Variants in RBFOX1 observed in about 807,000 individuals in gnomAD.
The protein encoded by RBFOX1 is RNA binding fox-1 homolog 1.
In RBFOX1, 8 loss-of-function variants were observed where a neutral mutation model predicts 57.7. That is an observed-to-expected ratio of 0.14 (90% CI 0.08 to 0.25). RBFOX1 has a LOEUF of 0.25. Ranked by LOEUF, RBFOX1 falls within the 10% of genes least tolerant of loss-of-function variation. The pLI, the probability that RBFOX1 is intolerant of heterozygous loss-of-function variation, is 1.00. For synonymous variants in RBFOX1, 326 were observed against 222.4 expected (o/e 1.47, Z -4.15); for missense variants, 611 against 548.5 (o/e 1.11, Z -1.14).
intron 2 of RBFOX1, among the ~76,000 whole-genome samples, chr16:5,538,688 T>C (rs4602043): frequency 0.78 from 117,818 of 150,426 alleles, 46,543 homozygotes; most frequent in East Asian, 0.99. Flanking sequence ...TGCAGTGGTG[T>C]GATCTCCGCT....
At chr16:7,026,925 C>T (rs959295006) in intron 3 of RBFOX1, among the ~76,000 whole-genome samples, 7 of 152,292 alleles carry the variant, frequency 4.6e-5, no homozygotes, top group Admixed American at 2.6e-4. Context: ...CCGGAGCTGG[C>T]GGCCTCCCAG....
At chr16:5,482,775 T>C (rs899746816) in intron 2 of RBFOX1, among the ~76,000 whole-genome samples, 1 of 152,198 alleles carries the variant, frequency 6.6e-6, no homozygotes, top group African/African-American at 2.4e-5. Flanking sequence ...ACCATCTTGG[T>C]ATTGCCTCTG....
intron 12 of RBFOX1, among the ~76,000 whole-genome samples, chr16:7,660,177 G>T (rs565439869): frequency 1.3e-5 from 2 of 151,988 alleles, no homozygotes; most frequent in South Asian, 2.1e-4. Context: ...TTTCTGTAGT[G>T]CAGTCACTCC....
chr16:7,334,974 T>A (rs1339321545), intron 4 of RBFOX1, among the ~76,000 whole-genome samples: 1 of 152,214 alleles, frequency 6.6e-6, no homozygotes, highest in Non-Finnish European at 1.5e-5. Context: ...ATATGTGTTA[T>A]CTCCTTTCTT....
chr16:6,735,878 C>T (rs1422203519), intron 3 of RBFOX1, among the ~76,000 whole-genome samples: 5 of 151,798 alleles, frequency 3.3e-5, no homozygotes, highest in Admixed American at 1.3e-4. Context: ...TCTGAGACCT[C>T]TGGAAATAAG....
At chr16:5,806,477 T>C (rs1201608169) in intron 3 of RBFOX1, among the ~76,000 whole-genome samples, 8 of 152,190 alleles carry the variant, frequency 5.3e-5, no homozygotes, top group African/African-American at 1.7e-4. Flanking sequence ...ATCAATCTAT[T>C]CATGAGGGCT....
intron 1 of RBFOX1, among the ~76,000 whole-genome samples, chr16:6,186,783 G>C (rs2097108136): frequency 6.6e-6 from 1 of 152,208 alleles, no homozygotes; most frequent in African/African-American, 2.4e-5. Flanking sequence ...CCAATGGGGA[G>C]TGAAAAGGAG....
At chr16:5,815,806 G>A (rs536454628) in intron 3 of RBFOX1, among the ~76,000 whole-genome samples, 56 of 152,302 alleles carry the variant, frequency 3.7e-4, no homozygotes, top group African/African-American at 1.3e-3. Flanking sequence ...GGAGCCCAGA[G>A]AAATTGATGC....
chr16:7,413,098 T>G (rs1042913776), intron 4 of RBFOX1, among the ~76,000 whole-genome samples: 3 of 151,944 alleles, frequency 2.0e-5, no homozygotes, highest in African/African-American at 7.2e-5. Flanking sequence ...AAAAATAAAT[T>G]ATGGAATTAT....
intron 4 of RBFOX1, among the ~76,000 whole-genome samples, chr16:7,234,930 T>G (rs4786989): frequency 0.64 from 96,967 of 151,846 alleles, 32,957 homozygotes; most frequent in East Asian, 0.96. Flanking sequence ...AGAGACTTAC[T>G]GTAGACTTGC....
At chr16:6,084,665 C>G (rs1413275717) in intron 1 of RBFOX1, among the ~76,000 whole-genome samples, 1 of 152,164 alleles carries the variant, frequency 6.6e-6, no homozygotes, top group Non-Finnish European at 1.5e-5. Context: ...TGCTCTCTCT[C>G]TCGTTTTCTA....
chr16:6,595,492 G>T (rs1358755940), intron 2 of RBFOX1, among the ~76,000 whole-genome samples: 1 of 152,094 alleles, frequency 6.6e-6, no homozygotes, highest in Non-Finnish European at 1.5e-5. Context: ...CCACTTTTCA[G>T]CTATTAGAAA....
intron 3 of RBFOX1, among the ~76,000 whole-genome samples, chr16:6,802,743 C>T (rs562820119): frequency 2.4e-4 from 37 of 152,304 alleles, no homozygotes; most frequent in Non-Finnish European, 4.4e-4. Context: ...CGGCAAAAGC[C>T]ATTCCCCCAC....
At chr16:7,545,672 G>T (rs922359812) in intron 5 of RBFOX1, among the ~76,000 whole-genome samples, 1 of 152,026 alleles carries the variant, frequency 6.6e-6, no homozygotes, top group Admixed American at 6.6e-5. Context: ...GTGAAGAGTT[G>T]CCCGACACGG....
intron 3 of RBFOX1, among the ~76,000 whole-genome samples, chr16:6,817,292 A>G (rs907767828): frequency 1.1e-4 from 16 of 152,112 alleles, no homozygotes; most frequent in African/African-American, 3.6e-4. Flanking sequence ...TCATAGCTTC[A>G]AACACATTTA....
At chr16:6,959,580 A>C (rs993764741) in intron 3 of RBFOX1, among the ~76,000 whole-genome samples, 4 of 152,074 alleles carry the variant, frequency 2.6e-5, no homozygotes, top group African/African-American at 9.7e-5. Flanking sequence ...GGTCTCCCTC[A>C]AGGCTGAACA....
intron 1 of RBFOX1, among the ~76,000 whole-genome samples, chr16:5,403,425 T>A (rs951420593): frequency 7.3e-5 from 11 of 151,704 alleles, no homozygotes; most frequent in Admixed American, 6.6e-4. Context: ...GCACTGCTTG[T>A]AATATGCTCT....
At chr16:7,340,581 C>G (rs1227274598) in intron 4 of RBFOX1, among the ~76,000 whole-genome samples, 1 of 152,190 alleles carries the variant, frequency 6.6e-6, no homozygotes, top group Non-Finnish European at 1.5e-5. Context: ...GGACATCCAA[C>G]AACACAATAA....
In RBFOX1 at chr16:5,355,663, C is replaced by G. The variant is rs537046915; in HGVS notation, c.220-111553C>G. 9.2e-4 allele frequency among the ~76,000 whole-genome samples: 140 copies of G among 152,276 alleles called. 1 individual carries two copies. Among genetic ancestry groups the G allele is most frequent in the African/African-American group, 3.1e-3 (129 of 41,540 alleles). ...GAGGAGCGTCTCCTCCAAAATAGGT[C>G]CAAGTCCTAACCCCTGGTAACTGTG... On this transcript the variant is annotated intron_variant, in intron 1 of 2. Transcript: ENST00000585867.
Sources: allele counts gnomAD v4.1 joint callset (sites outside exome capture counted in the v4.1 genomes callset), GRCh38; gene constraint gnomAD v4.1.1; transcripts MANE v1.5; gene names NCBI Gene and HGNC (gene_info 2026-07-23, HGNC 2026-07-21).